The following MALRD1 variants were observed in gnomAD, a reference collection of about 807,000 sequenced individuals.
MALRD1 encodes MAM and LDL receptor class A domain containing 1, also known as MAM and LDL-receptor class A domain-containing protein 1.
Under a neutral mutation model 242.1 loss-of-function variants are expected in MALRD1, and 247 were observed. That is an observed-to-expected ratio of 1.02 (90% confidence interval 0.92 to 1.13). The LOEUF (loss-of-function observed/expected upper bound fraction) is 1.13. Among genes scored for constraint, MALRD1 ranks in the 50% most tolerant of loss-of-function variants. The probability of loss-of-function intolerance (pLI) is 0.00; values close to 1 mark genes in which losing one functional copy is unlikely to be tolerated. For missense variants in MALRD1, 2,989 were observed against 2,533.1 expected (o/e 1.18, Z -3.86); for synonymous variants, 995 against 866.6 (o/e 1.15, Z -2.60).
At position 19,331,331 on chromosome 10, in the gene MALRD1, T is replaced by C. The variant is rs551386274; in HGVS notation, c.3688-38T>C. The C allele has an allele frequency of 5.3e-6, 8 of 1,500,302 alleles. No individual in the cohort carries two copies. The African/African-American group carries it at 1.1e-4, about 21-fold the overall frequency. 92.9% of individuals were successfully genotyped at this position (1,500,302 alleles called of 1,614,324 possible). ...GTGTTTGCCCAGGTTTTGAACTTCT[T>C]GATTGACAGTTTAACTGTAACTGGC... On this transcript the variant is annotated intron_variant, in intron 23 of 39. Coordinates refer to ENST00000454679, the MANE Select transcript of MALRD1 (RefSeq NM_001142308.3).
At chr10:19,431,376 A>T (rs1378227935) in intron 28 of MALRD1, among the ~76,000 whole-genome samples, 3 of 151,894 alleles carry the variant, frequency 2.0e-5, no homozygotes, top group African/African-American at 7.3e-5. Context: ...GGGTATTTTG[A>T]CTTGTATATT....
At chr10:19,604,431 T>G (rs1295765495) in intron 34 of MALRD1, among the ~76,000 whole-genome samples, 1 of 152,178 alleles carries the variant, frequency 6.6e-6, no homozygotes, top group Admixed American at 6.5e-5. Context: ...TCTAACTATC[T>G]TTAATTCTGT....
intron 32 of MALRD1, among the ~76,000 whole-genome samples, chr10:19,567,000 G>T (rs1046596219): frequency 1.3e-5 from 2 of 152,056 alleles, no homozygotes; most frequent in African/African-American, 4.8e-5. Context: ...ATTAAAAAAA[G>T]TGGTGAATAT....
chr10:19,306,116 CTATCTAGTATATATAGTATAGTA>C (rs1842177844), intron 21 of MALRD1, among the ~76,000 whole-genome samples: 1 of 107,732 alleles, frequency 9.3e-6, no homozygotes, highest in Non-Finnish European at 1.8e-5. Flanking sequence ...TATATATATA[CTATCTAGTATATATAGTATAGTA>C]TATATATACT....
At chr10:19,087,587 G>C (rs907485202) in intron 2 of MALRD1, among the ~76,000 whole-genome samples, 1 of 150,206 alleles carries the variant, frequency 6.7e-6, no homozygotes, top group Non-Finnish European at 1.5e-5. Context: ...CAGTAGATGT[G>C]TATATCTATG....
chr10:19,573,403 C>A (rs1056548025), intron 33 of MALRD1, among the ~76,000 whole-genome samples: 3 of 152,114 alleles, frequency 2.0e-5, no homozygotes, highest in South Asian at 2.1e-4. Flanking sequence ...GTGGCAGCAG[C>A]CCTGGGCAGA....
chr10:19,147,250 A>C (rs2131443077), intron 11 of MALRD1, among the ~76,000 whole-genome samples: 1 of 152,330 alleles, frequency 6.6e-6, no homozygotes, highest in Middle Eastern at 3.4e-3. Flanking sequence ...AGACTTCCAA[A>C]GAATTATACC....
intron 12 of MALRD1, among the ~76,000 whole-genome samples, chr10:19,163,011 G>A (rs1466382183): frequency 6.6e-6 from 1 of 151,286 alleles, no homozygotes; most frequent in African/African-American, 2.4e-5. Flanking sequence ...GGTGGTGCAA[G>A]CCTGTAGTCC....
At chr10:19,103,291 G>A (rs942380443) in intron 4 of MALRD1, among the ~76,000 whole-genome samples, 1 of 152,052 alleles carries the variant, frequency 6.6e-6, no homozygotes, top group African/African-American at 2.4e-5. Context: ...GCCAGGTGCG[G>A]TGGCTCAAGC....
At chr10:19,440,492 C>T (rs1158724612) in intron 28 of MALRD1, among the ~76,000 whole-genome samples, 1 of 152,040 alleles carries the variant, frequency 6.6e-6, no homozygotes, top group East Asian at 1.9e-4. Context: ...TATCCCTCCC[C>T]CCGCAACAAC....
intron 14 of MALRD1, among the ~76,000 whole-genome samples, chr10:19,188,293 C>G (rs912241308): frequency 2.0e-5 from 3 of 152,120 alleles, no homozygotes; most frequent in African/African-American, 7.2e-5. Flanking sequence ...GAAACTGGGA[C>G]GTGGCTTAAC....
chr10:19,517,228 G>C (rs1412324062), intron 31 of MALRD1, among the ~76,000 whole-genome samples: 3 of 152,162 alleles, frequency 2.0e-5, no homozygotes. Context: ...GGACTGGTTG[G>C]TTATTGTCCT....
intron 35 of MALRD1, 38 bp downstream of exon 35, chr10:19,607,940 C>A (rs771125027): frequency 1.3e-6 from 2 of 1,544,056 alleles, no homozygotes; most frequent in East Asian, 2.5e-5. Context: ...GTGATATGAA[C>A]CAGCAACTTA....
At position 19,684,163 on chromosome 10, in the gene MALRD1, G is replaced by A. The variant is rs115422836; in HGVS notation, c.6138-8119G>A. 8.3e-3 allele frequency among the ~76,000 whole-genome samples: 1,258 copies of A among 152,192 alleles called. 20 individuals carry two copies. The highest frequency in any genetic ancestry group is 0.029 in the African/African-American group (1,198 of 41,512). ...ATTTTAACTTTAGTGAAGCAAAACC[G>A]TATGGTCAACAGAGCCAAAGTTGAA... On this transcript the variant is annotated intron_variant, in intron 36 of 39. Transcript: ENST00000454679.
chr10:19,473,907 C>A (rs1836612005), intron 29 of MALRD1, among the ~76,000 whole-genome samples: 1 of 152,084 alleles, frequency 6.6e-6, no homozygotes, highest in Admixed American at 6.5e-5. Flanking sequence ...CATTCTTTTC[C>A]ATAGCAGCTC....
At chr10:19,176,366 C>CCTTTT (rs1484132630) in intron 14 of MALRD1, among the ~76,000 whole-genome samples, 2 of 87,292 alleles carry the variant, frequency 2.3e-5, no homozygotes, top group African/African-American at 8.7e-5. Context: ...TTTCTGGGTG[C>CCTTTT]TTTTTTTTTT....
At chr10:19,218,436 G>A (rs187657807) in intron 18 of MALRD1, among the ~76,000 whole-genome samples, 2 of 152,014 alleles carry the variant, frequency 1.3e-5, no homozygotes, top group Non-Finnish European at 2.9e-5. Flanking sequence ...CTTATATTTA[G>A]TTCTCTGTGC....
chr10:19,189,517 A>G (rs1003495493), intron 14 of MALRD1, among the ~76,000 whole-genome samples: 2 of 151,828 alleles, frequency 1.3e-5, no homozygotes, highest in Admixed American at 6.6e-5. Context: ...AAAAAAAACT[A>G]TGAACCTATA....
At chr10:19,616,083 A>G (rs1214345842) in intron 36 of MALRD1, among the ~76,000 whole-genome samples, 160 bp downstream of exon 36, 2 of 152,042 alleles carry the variant, frequency 1.3e-5, no homozygotes, top group Non-Finnish European at 2.9e-5. Flanking sequence ...AATAAGGTAA[A>G]GGAATATGTG....
Sources: gnomAD v4.1 joint callset for allele counts (sites outside exome capture counted in the v4.1 genomes callset) on GRCh38, gnomAD v4.1.1 for gene constraint, MANE v1.5 for transcripts, NCBI Gene and HGNC (gene_info 2026-07-23, HGNC 2026-07-21) for gene names.